Variants in SLC12A1 observed in about 807,000 individuals in gnomAD.
SLC12A1 encodes Na-K-2Cl cotransporter.
Under a neutral mutation model 130.4 loss-of-function variants are expected in SLC12A1, and 89 were observed. The ratio of observed to expected loss-of-function variants is 0.68; its 90% CI spans 0.58 to 0.81. The LOEUF (loss-of-function observed/expected upper bound fraction) is 0.81. Among genes scored for constraint, SLC12A1 ranks in the 40% least tolerant of loss-of-function variants. SLC12A1 has a pLI of 0.00. For synonymous variants in SLC12A1, 499 were observed against 460.0 expected (o/e 1.08, Z -1.09); for missense variants, 1,310 against 1,336.4 (o/e 0.98, Z 0.31).
At chr15:48,244,686 T>C (rs2041557236) in intron 10 of SLC12A1, 67 bp from the exon 11 acceptor site, 5 of 1,527,938 alleles carry the variant, frequency 3.3e-6, no homozygotes, top group Non-Finnish European at 4.5e-6. Flanking sequence ...TAAACTACGT[T>C]TTCAGTAGAA....
At chr15:48,209,839 C>G (rs768463349) in intron 2 of SLC12A1, among the ~76,000 whole-genome samples, 2 of 152,110 alleles carry the variant, frequency 1.3e-5, no homozygotes, top group Non-Finnish European at 2.9e-5. Flanking sequence ...AATTTTGTTT[C>G]CTTGTCCCCT....
In SLC12A1 at chr15:48,267,688, G is replaced by A. The variant is rs144177117; in HGVS notation, c.2282G>A (p.Arg761Gln). The A allele has an allele frequency of 5.7e-5, 92 of 1,613,316 alleles. No homozygotes were observed. The highest frequency in any genetic ancestry group is 2.9e-4 in the African/African-American group (22 of 74,980). The change falls in exon 18 of 27, where the codon CGA becomes CAA. Residue 761 changes from arginine (R) to glutamine (Q), a missense_variant. Coordinates refer to ENST00000380993, the MANE Select transcript of SLC12A1 (RefSeq NM_000338.3). Reference protein sequence around the residue: ...VAADCFRDGVRSLLQASGLGR... With the variant: ...VAADCFRDGVQSLLQASGLGR... The stretch of plus-strand genomic sequence containing the variant: ...GCAGACTGTTTCAGGGATGGTGTCC[G>A]AAGTCTTCTTCAGGTAAGGCTGCAT...
chr15:48,249,899 C>T (rs2041627677), intron 14 of SLC12A1, among the ~76,000 whole-genome samples: 1 of 152,176 alleles, frequency 6.6e-6, no homozygotes. Context: ...AGTCAATTTT[C>T]TCCTGTGGCA....
intron 26 of SLC12A1, among the ~76,000 whole-genome samples, 178 bp from the exon 27 acceptor site, chr15:48,302,572 A>G (rs936303355): frequency 8.0e-6 from 1 of 124,878 alleles, no homozygotes; most frequent in African/African-American, 3.0e-5. Context: ...GTGAGCCGAG[A>G]TTGTGCCACT....
At chr15:48,236,776 G>T (rs900687991) in intron 9 of SLC12A1, among the ~76,000 whole-genome samples, 1 of 152,198 alleles carries the variant, frequency 6.6e-6, no homozygotes, top group East Asian at 1.9e-4. Flanking sequence ...TATCACTGCT[G>T]AATGAAATTT....
rs201690212 is a variant in SLC12A1, at chr15:48,256,747, TG to T, written c.2042+841del. 9.8e-3 allele frequency among the ~76,000 whole-genome samples: 1,476 copies of T among 150,866 alleles called. 31 individuals carry two copies. Among genetic ancestry groups the T allele is most frequent in the African/African-American group, 0.035 (1,426 of 40,936 alleles). On this transcript the variant is annotated intron_variant, in intron 16 of 26. Transcript: ENST00000380993. ...CCCACTGGGTCCCTCCCACAACACA[TG>T]GGGATTATGGGAACTATAATTCAAG...
chr15:48,230,955 G>T (rs1257197957), intron 7 of SLC12A1, among the ~76,000 whole-genome samples: 1 of 152,164 alleles, frequency 6.6e-6, no homozygotes, highest in Non-Finnish European at 1.5e-5. Flanking sequence ...CACATCATAG[G>T]CTTTAGAACC....
Position 48,249,830 on chromosome 15 carries a change from G to A in SLC12A1, c.1786+154G>A, listed in dbSNP as rs2279366. On this transcript the variant is annotated intron_variant, in intron 14 of 26. Coordinates refer to ENST00000380993, the MANE Select transcript of SLC12A1 (RefSeq NM_000338.3). ...TCCACTTTATTTTGGTGAGTTTGGG[G>A]ATGAGTTTTGAAATAGAAAAAGAAT... Among the ~76,000 whole-genome samples the A allele has an allele frequency of 0.3, 45,528 of 152,076 alleles. 8,788 individuals carry two copies. The highest frequency in any genetic ancestry group is 0.53 in the East Asian group (2,759 of 5,168).
At position 48,288,110 on chromosome 15, in the gene SLC12A1, C is replaced by A. The variant is rs1386024973; in HGVS notation, c.2697C>A (p.Ser899Arg). 2.5e-6 allele frequency: 4 copies of A among 1,610,570 alleles called. No homozygotes were observed. The highest frequency in any genetic ancestry group is 3.4e-6 in the Non-Finnish European group (4 of 1,178,440). The change falls in exon 22 of 27, where the codon AGC becomes AGA. Residue 899 changes from serine (S) to arginine (R), a missense_variant. Coordinates refer to ENST00000380993, the MANE Select transcript of SLC12A1 (RefSeq NM_000338.3). ...GEFNQKLVEA[S>R]TQFKKKQEKG... The stretch of plus-strand genomic sequence containing the variant: ...TCAACCAGAAACTGGTGGAAGCCAG[C>A]ACTCAATTTAAAAAGAAACAAGAAA...
intron 16 of SLC12A1, among the ~76,000 whole-genome samples, chr15:48,258,079 C>T (rs2041727862): frequency 7.9e-6 from 1 of 126,500 alleles, no homozygotes; most frequent in Non-Finnish European, 1.5e-5. Flanking sequence ...GTGACCTTTA[C>T]GGCCGGGCGC....
chr15:48,302,963 A>T lies in SLC12A1; in HGVS notation c.*78A>T. 8.8e-7 allele frequency: 1 copy of T among 1,130,188 alleles called. No individual in the cohort carries two copies. Among genetic ancestry groups the T allele is most frequent in the South Asian group, 1.5e-5 (1 of 67,068 alleles). 70.0% of individuals were successfully genotyped at this position (1,130,188 alleles called of 1,614,324 possible). A position where few individuals can be genotyped will look rare whatever the true frequency, so the allele number is the denominator to read the frequency against. ...CATGTTCCAGTACTTTATGTTGTAAATCTGATCTATGGATATGCAAACCTC... is the reference window on the plus strand; with the variant it reads ...CATGTTCCAGTACTTTATGTTGTAATTCTGATCTATGGATATGCAAACCTC... On this transcript the variant is annotated 3_prime_UTR_variant, in exon 27 of 27. Coordinates refer to ENST00000380993, the MANE Select transcript of SLC12A1 (RefSeq NM_000338.3).
intron 9 of SLC12A1, among the ~76,000 whole-genome samples, chr15:48,236,724 G>A (rs2041444444): frequency 6.6e-6 from 1 of 152,154 alleles, no homozygotes. Flanking sequence ...TTATGCTGAA[G>A]TGCAGAAAAG....
intron 2 of SLC12A1, among the ~76,000 whole-genome samples, chr15:48,212,370 C>T (rs1394191417): frequency 1.3e-5 from 2 of 152,114 alleles, no homozygotes; most frequent in Admixed American, 1.3e-4. Context: ...TCCTATCAAT[C>T]TAACTTTCTG....
Position 48,269,644 on chromosome 15 carries a change from T to C in SLC12A1, c.2296-14T>C, listed in dbSNP as rs914659872. On this transcript the variant is annotated splice_polypyrimidine_tract_variant and intron_variant, in intron 18 of 26. Coordinates refer to ENST00000380993, the MANE Select transcript of SLC12A1 (RefSeq NM_000338.3). The stretch of plus-strand genomic sequence containing the variant: ...ACGGTAAGGATTGCCCACATTTTTA[T>C]GTCCTCTGTTTAGGCCTCAGGCTTA... 11 of 1,507,650 alleles carry C rather than the reference T, an allele frequency of 7.3e-6. No individual in the cohort carries two copies. Among genetic ancestry groups the C allele is most frequent in the African/African-American group, 6.9e-5 (5 of 72,790 alleles). 93.4% of individuals were successfully genotyped at this position (1,507,650 alleles called of 1,614,324 possible). A position where few individuals can be genotyped will look rare whatever the true frequency, so the allele number is the denominator to read the frequency against.
intron 19 of SLC12A1, among the ~76,000 whole-genome samples, chr15:48,273,344 C>T (rs1275839116): frequency 6.6e-6 from 1 of 152,128 alleles, no homozygotes; most frequent in Non-Finnish European, 1.5e-5. Flanking sequence ...TCCTTTTATG[C>T]CTCCTAATTT....
intron 2 of SLC12A1, among the ~76,000 whole-genome samples, chr15:48,212,854 C>G (rs1412948860): frequency 6.6e-6 from 1 of 152,108 alleles, no homozygotes; most frequent in Non-Finnish European, 1.5e-5. Context: ...ATATTTGGAT[C>G]ATTATGCTGT....
chr15:48,240,126 T>A (rs937536611), intron 9 of SLC12A1, among the ~76,000 whole-genome samples: 1 of 143,912 alleles, frequency 6.9e-6, no homozygotes, highest in Non-Finnish European at 1.5e-5. Flanking sequence ...TATATATATA[T>A]AATATGCATA....
chr15:48,299,720 G>C (rs551999312), intron 25 of SLC12A1, among the ~76,000 whole-genome samples: 2 of 152,296 alleles, frequency 1.3e-5, no homozygotes, highest in African/African-American at 4.8e-5. Flanking sequence ...GATGTGACTG[G>C]AACAATGAAT....
chr15:48,272,448 AC>A (rs1297656636), intron 19 of SLC12A1, among the ~76,000 whole-genome samples: 1 of 122,892 alleles, frequency 8.1e-6, no homozygotes, highest in African/African-American at 3.8e-5. Flanking sequence ...GTTTTTTAAG[AC>A]AGAGTCTCGC....
Sources: gnomAD v4.1 joint callset for allele counts (sites outside exome capture counted in the v4.1 genomes callset) on GRCh38, gnomAD v4.1.1 for gene constraint, MANE v1.5 for transcripts, NCBI Gene and HGNC (gene_info 2026-07-23, HGNC 2026-07-21) for gene names.